The following NT5DC1 variants were observed in gnomAD, a reference collection of about 807,000 sequenced individuals.
NT5DC1 encodes the protein 5'-nucleotidase domain containing 1, also known as 5'-nucleotidase domain-containing protein 1.
NT5DC1 carries 42 observed loss-of-function variants against 59.4 expected under a neutral mutation model. The observed-to-expected ratio is 0.71, with a 90% CI of 0.55 to 0.92. NT5DC1 has a LOEUF of 0.92. Among genes scored for constraint, NT5DC1 ranks in the 40% least tolerant of loss-of-function variants. The pLI is 0.00. For missense variants in NT5DC1, 501 were observed against 537.1 expected (o/e 0.93, Z 0.66); for synonymous variants, 172 against 188.1 (o/e 0.91, Z 0.70).
rs148509481 is a variant in NT5DC1, at chr6:116,182,222, A to AGAGAGAGAGTGTGTGTGT, written c.530-38831_530-38830insAGAGAGAGTGTGTGTGTG. Among the ~76,000 whole-genome samples, 59 of 124,686 alleles carry AGAGAGAGAGTGTGTGTGT rather than the reference A, an allele frequency of 4.7e-4. 1 individual carries two copies. In the South Asian group the frequency reaches 0.015, roughly 31 times the overall value. 81.8% of individuals were successfully genotyped at this position (124,686 alleles called of 152,430 possible). A position where few individuals can be genotyped will look rare whatever the true frequency, so the allele number is the denominator to read the frequency against. The stretch of plus-strand genomic sequence containing the variant: ...TATGGCTGAGTAGTATTCCATGGAG[A>AGAGAGAGAGTGTGTGTGT]GTGTGTGTGTGTGTGTGTGTGTGTG... On this transcript the variant is annotated intron_variant, in intron 6 of 11. Coordinates refer to ENST00000319550, the MANE Select transcript of NT5DC1 (RefSeq NM_152729.3).
chr6:116,241,354 T>C (rs1227265412), intron 11 of NT5DC1, among the ~76,000 whole-genome samples: 1 of 152,046 alleles, frequency 6.6e-6, no homozygotes, highest in African/African-American at 2.4e-5. Context: ...TTTGAAACAA[T>C]AAAAATTAAA....
intron 8 of NT5DC1, among the ~76,000 whole-genome samples, chr6:116,234,958 C>G (rs1046881392): frequency 1.3e-5 from 2 of 151,738 alleles, no homozygotes; most frequent in Non-Finnish European, 2.9e-5. Context: ...TTAAGGCAGC[C>G]TCCAGTATAG....
chr6:116,138,333 AG>A (rs1779671949), intron 6 of NT5DC1, among the ~76,000 whole-genome samples: 1 of 152,222 alleles, frequency 6.6e-6, no homozygotes, highest in South Asian at 2.1e-4. Context: ...TATGAGAAAC[AG>A]TATAATTCCA....
At chr6:116,164,158 G>A (rs970924203) in intron 6 of NT5DC1, among the ~76,000 whole-genome samples, 10 of 152,168 alleles carry the variant, frequency 6.6e-5, no homozygotes, top group East Asian at 5.8e-4. Flanking sequence ...TTCTCCTTCA[G>A]TGATCTGTTT....
intron 6 of NT5DC1, among the ~76,000 whole-genome samples, chr6:116,212,273 A>G (rs1218691023): frequency 6.6e-6 from 1 of 152,066 alleles, no homozygotes; most frequent in Non-Finnish European, 1.5e-5. Flanking sequence ...AGAAGATATG[A>G]CTGATACAAA....
intron 6 of NT5DC1, among the ~76,000 whole-genome samples, chr6:116,184,144 T>G (rs1360926793): frequency 6.6e-6 from 1 of 152,158 alleles, no homozygotes; most frequent in Non-Finnish European, 1.5e-5. Flanking sequence ...CTTTTCTGCA[T>G]CTATTGAGAT....
At chr6:116,140,553 A>G (rs1454417759) in intron 6 of NT5DC1, among the ~76,000 whole-genome samples, 2 of 152,128 alleles carry the variant, frequency 1.3e-5, no homozygotes, top group Non-Finnish European at 2.9e-5. Flanking sequence ...GAAACTTAAC[A>G]TTAGCATTCT....
At chr6:116,177,976 C>T (rs1780771051) in intron 6 of NT5DC1, among the ~76,000 whole-genome samples, 1 of 152,060 alleles carries the variant, frequency 6.6e-6, no homozygotes, top group Non-Finnish European at 1.5e-5. Flanking sequence ...CTACCTTTCA[C>T]TGCAGCATCA....
chr6:116,143,678 CTT>C (rs1166505788), intron 6 of NT5DC1, among the ~76,000 whole-genome samples: 1 of 151,946 alleles, frequency 6.6e-6, no homozygotes, highest in Non-Finnish European at 1.5e-5. Flanking sequence ...TGTTGCATTA[CTT>C]TTTTGTTTTG....
At chr6:116,166,835 C>T (rs530098522) in intron 6 of NT5DC1, among the ~76,000 whole-genome samples, 2 of 152,080 alleles carry the variant, frequency 1.3e-5, no homozygotes, top group East Asian at 1.9e-4. Flanking sequence ...TATTTAAAGA[C>T]GAAAGGACTG....
chr6:116,239,645 G>C lies in NT5DC1; in HGVS notation c.1252+522G>C, dbSNP rs149530093. 5.2e-3 allele frequency among the ~76,000 whole-genome samples: 797 copies of C among 152,304 alleles called. 8 individuals carry two copies. The highest frequency in any genetic ancestry group is 0.018 in the African/African-American group (763 of 41,560). ...CCATTTTCACAGGGACTAAAACTCA[G>C]CTTGAAATCAGCTAAATACCTAAAA... On this transcript the variant is annotated intron_variant, in intron 11 of 11. Coordinates refer to ENST00000319550, the MANE Select transcript of NT5DC1 (RefSeq NM_152729.3).
rs1771823350 is a variant in NT5DC1 at position 116,245,262 on chromosome 6, C to T, written c.*1238C>T. On this transcript the variant is annotated 3_prime_UTR_variant, in exon 12 of 12. Coordinates refer to ENST00000319550, the MANE Select transcript of NT5DC1 (RefSeq NM_152729.3). ...CTACTGTTTATGCTGTGATTTCACT[C>T]TGTCTATCATGGGCAGTATTAGAAA... The T allele has an allele frequency of 6.6e-6, 1 of 152,308 alleles. No individual in the cohort carries two copies. Among genetic ancestry groups the T allele is most frequent in the African/African-American group, 2.4e-5 (1 of 41,428 alleles). 9.4% of individuals were successfully genotyped at this position (152,308 alleles called of 1,614,324 possible). A position where few individuals can be genotyped will look rare whatever the true frequency, so the allele number is the denominator to read the frequency against.
intron 6 of NT5DC1, among the ~76,000 whole-genome samples, chr6:116,209,081 T>C (rs914720162): frequency 6.6e-6 from 1 of 152,080 alleles, no homozygotes; most frequent in Non-Finnish European, 1.5e-5. Context: ...ATTATTCTTT[T>C]GGTACTTTCT....
rs1771826390 is a variant in NT5DC1, at chr6:116,245,370, A to G, written c.*1346A>G. On this transcript the variant is annotated 3_prime_UTR_variant, in exon 12 of 12. Coordinates refer to ENST00000319550, the MANE Select transcript of NT5DC1 (RefSeq NM_152729.3). ...AGTGCAGAATTTGGCATATCGATGC[A>G]TGCAATGGAAAGAAAAAAAATTTGT... 6.6e-6 allele frequency: 1 copy of G among 152,612 alleles called. No homozygotes were observed. The highest frequency in any genetic ancestry group is 2.1e-4 in the South Asian group (1 of 4,836). 9.5% of individuals were successfully genotyped at this position (152,612 alleles called of 1,614,324 possible). A position where few individuals can be genotyped will look rare whatever the true frequency, so the allele number is the denominator to read the frequency against.
At chr6:116,144,909 A>ATGGC (rs1354609073) in intron 6 of NT5DC1, among the ~76,000 whole-genome samples, 2 of 152,202 alleles carry the variant, frequency 1.3e-5, no homozygotes. Context: ...TCTTAGGCTG[A>ATGGC]TGGCGTTGAA....
At chr6:116,153,114 T>C (rs981126524) in intron 6 of NT5DC1, among the ~76,000 whole-genome samples, 2 of 151,886 alleles carry the variant, frequency 1.3e-5, no homozygotes, top group African/African-American at 4.8e-5. Context: ...TATAAAAATA[T>C]ATACACAAAT....
Position 116,182,222 on chromosome 6 carries a change from A to AGAGAGAGAGAGTGTGTGTGTGT in NT5DC1, c.530-38831_530-38830insAGAGAGAGAGTGTGTGTGTGTG, listed in dbSNP as rs148509481. Among the ~76,000 whole-genome samples the AGAGAGAGAGAGTGTGTGTGTGT allele has an allele frequency of 4.8e-5, 6 of 124,688 alleles. No individual in the cohort carries two copies. In the South Asian group the frequency reaches 1.1e-3, roughly 24 times the overall value. 81.8% of individuals were successfully genotyped at this position (124,688 alleles called of 152,430 possible). A position where few individuals can be genotyped will look rare whatever the true frequency, so the allele number is the denominator to read the frequency against. On this transcript the variant is annotated intron_variant, in intron 6 of 11. Transcript: ENST00000319550. ...TATGGCTGAGTAGTATTCCATGGAG[A>AGAGAGAGAGAGTGTGTGTGTGT]GTGTGTGTGTGTGTGTGTGTGTGTG...
At chr6:116,119,365 T>C (rs1327673020) in intron 6 of NT5DC1, 12 of 152,428 alleles carry the variant, frequency 7.9e-5, no homozygotes, top group Non-Finnish European at 1.5e-5. Flanking sequence ...TTATGCTGGG[T>C]ATATAAAAAG....
At chr6:116,195,281 T>A (rs184715203) in intron 6 of NT5DC1, among the ~76,000 whole-genome samples, 107 of 152,214 alleles carry the variant, frequency 7.0e-4, no homozygotes, top group Non-Finnish European at 1.2e-3. Context: ...ATATTTTATA[T>A]CACAATTTCG....
Sources: allele counts gnomAD v4.1 joint callset (sites outside exome capture counted in the v4.1 genomes callset), GRCh38; gene constraint gnomAD v4.1.1; transcripts MANE v1.5; gene names NCBI Gene and HGNC (gene_info 2026-07-23, HGNC 2026-07-21).